The following ACCS variants were observed in gnomAD, a reference collection of about 807,000 sequenced individuals.
ACCS encodes 1-aminocyclopropane-1-carboxylate synthase homolog (inactive).
Under a neutral mutation model 59.8 loss-of-function variants are expected in ACCS, and 42 were observed. The ratio of observed to expected loss-of-function variants is 0.70; its 90% CI spans 0.55 to 0.91. The LOEUF is 0.91. ACCS is among the 40% of genes least tolerant of loss of function. ACCS has a pLI of 0.00. For missense variants in ACCS, 602 were observed against 630.4 expected (o/e 0.95, Z 0.48); for synonymous variants, 230 against 240.3 (o/e 0.96, Z 0.40).
At chr11:44,076,731 A>T (rs1242665294) in intron 6 of ACCS, among the ~76,000 whole-genome samples, 6 of 152,244 alleles carry the variant, frequency 3.9e-5, no homozygotes, top group African/African-American at 2.4e-5. Flanking sequence ...ATAATTAGAA[A>T]GGGGGCTGTA....
At chr11:44,078,849 G>C in intron 9 of ACCS, 65 bp downstream of exon 9, 1 of 1,444,086 alleles carries the variant, frequency 6.9e-7, no homozygotes, top group Non-Finnish European at 9.6e-7. Context: ...TGCGGGTTTG[G>C]TGCAGGTTTT....
At chr11:44,074,759 TC>T in intron 5 of ACCS, 78 bp downstream of exon 5, 1 of 522,360 alleles carries the variant, frequency 1.9e-6, no homozygotes, top group Non-Finnish European at 2.9e-6. Context: ...TTTCTTTCTT[TC>T]TTTCTTTCTT....
Position 44,083,769 on chromosome 11 carries a change from G to A in ACCS, c.1483G>A (p.Glu495Lys). 1 of 1,613,336 alleles carries A rather than the reference G, an allele frequency of 6.2e-7. No individual in the cohort carries two copies. The highest frequency in any genetic ancestry group is 1.1e-5 in the South Asian group (1 of 90,832). Residue 495 changes from glutamate (E) to lysine (K), a missense_variant, in exon 15 of 15, where the codon GAG (glutamate) becomes AAG (lysine). Coordinates refer to ENST00000263776, the MANE Select transcript of ACCS (RefSeq NM_032592.4). ...AEDPRPSQSQ[E>K]PSDQRR ...AGACCCCCGTCCCTCTCAGAGCCAG[G>A]AGCCAAGTGACCAACGCAGGTGAGC...
chr11:44,073,657 A>G (rs984016935), intron 4 of ACCS, 140 bp downstream of exon 4: 8 of 802,748 alleles, frequency 1.0e-5, no homozygotes, highest in Non-Finnish European at 1.2e-5. Flanking sequence ...CTAAAGTTCT[A>G]CAATGTACAG....
chr11:44,075,453 T>C, intron 5 of ACCS, 73 bp from the exon 6 acceptor site: 1 of 1,531,324 alleles, frequency 6.5e-7, no homozygotes, highest in South Asian at 1.1e-5. Flanking sequence ...CTCTGTGCTG[T>C]CCTGGGAGGC....
Position 44,078,715 on chromosome 11 carries a change from G to A in ACCS, c.764G>A (p.Ser255Asn). Residue 255 changes from serine (S) to asparagine (N), a missense_variant, in exon 9 of 15, where the codon AGC (serine) becomes AAC (asparagine). Physicochemically the swap from Ser to Asn is conservative, Grantham distance 46. Transcript: ENST00000263776. ...AAGGTCAAAGGCCTCATCCTCATCA[G>A]CCCCCAGAACCCTCTGGGTGATGTA... ...GVKVKGLILI[S>N]PQNPLGDVYS... 6.2e-7 allele frequency: 1 copy of A among 1,614,030 alleles called. No homozygotes were observed. The highest frequency in any genetic ancestry group is 8.5e-7 in the Non-Finnish European group (1 of 1,179,998).
At position 44,084,089 on chromosome 11, in the gene ACCS, C is replaced by A. The variant is rs996017807; in HGVS notation, c.*297C>A. 5 of 336,240 alleles carry A rather than the reference C, an allele frequency of 1.5e-5. No individual in the cohort carries two copies. The highest frequency in any genetic ancestry group is 5.9e-5 in the East Asian group (1 of 16,994). 20.8% of individuals were successfully genotyped at this position (336,240 alleles called of 1,614,324 possible). ...TGCTTCTAACCAGAGCCTCAGCCCC[C>A]CTGAGGATGTGAAAAGAAAACAAAC... On this transcript the variant is annotated 3_prime_UTR_variant, in exon 15 of 15. Transcript: ENST00000263776.
intron 1 of ACCS, 100 bp from the exon 2 acceptor site, chr11:44,067,528 G>A (rs1952844779): frequency 8.1e-7 from 1 of 1,240,322 alleles, no homozygotes; most frequent in South Asian, 1.5e-5. Context: ...AAAGGAAGGG[G>A]CAGATAAGAG....
chr11:44,078,574 T>C lies in ACCS; in HGVS notation c.733-110T>C, dbSNP rs546966440. ...TTTGCTTCATGTTGTGTTATGAACA[T>C]GTCCCCCTCAAATCTCCCTGGGAGC... is the stretch of plus-strand genomic sequence containing the variant. On this transcript the variant is annotated intron_variant, in intron 8 of 14. Transcript: ENST00000263776. The C allele has an allele frequency of 1.7e-4, 136 of 777,282 alleles. No individual in the cohort carries two copies. In the African/African-American group the frequency reaches 2.2e-3, roughly 13 times the overall value. 48.1% of individuals were successfully genotyped at this position (777,282 alleles called of 1,614,324 possible). A position where few individuals can be genotyped will look rare whatever the true frequency, so the allele number is the denominator to read the frequency against.
chr11:44,075,704 T>C lies in ACCS; in HGVS notation c.556+112T>C, dbSNP rs564034876. ...GTATGCTTTCGGGCACAATAGAATA[T>C]ACTAGACTGCAGGGGGCTTGAATAA... On this transcript the variant is annotated intron_variant, in intron 6 of 14. Transcript: ENST00000263776. The C allele has an allele frequency of 2.4e-6, 3 of 1,267,966 alleles. No homozygotes were observed. The South Asian group carries it at 4.2e-5, about 18-fold the overall frequency. The allele number at this position is 1,267,966 out of a possible 1,614,324, so 78.5% of individuals were successfully genotyped here. A position where few individuals can be genotyped will look rare whatever the true frequency, so the allele number is the denominator to read the frequency against.
intron 9 of ACCS, chr11:44,079,143 T>TACAACAATCCTC: frequency 2.8e-6 from 1 of 362,074 alleles, no homozygotes; most frequent in African/African-American, 2.1e-5. Flanking sequence ...CAACAATCCT[T>TACAACAATCCTC]ACAACAATCC....
At position 44,075,229 on chromosome 11, in the gene ACCS, C is replaced by T. The variant is rs1418669423; in HGVS notation, c.490-297C>T. Among the ~76,000 whole-genome samples the T allele has an allele frequency of 2.0e-5, 3 of 152,184 alleles. No individual in the cohort carries two copies. In the East Asian group the frequency reaches 5.8e-4, roughly 29 times the overall value. ...GTAGAATTAGGAATACCTTCTCCCTCCTCGATGTTTAAAGTTTGGGTATAA... is the reference window on the plus strand; with the variant it reads ...GTAGAATTAGGAATACCTTCTCCCTTCTCGATGTTTAAAGTTTGGGTATAA... On this transcript the variant is annotated intron_variant, in intron 5 of 14. Transcript: ENST00000263776.
Position 44,073,158 on chromosome 11 carries a change from A to AT in ACCS, c.349-282dup, listed in dbSNP as rs577227468. ...ATACTTTTGCAAACCCACCCCTCCG[A>AT]TTTTTTTAGGTGGCAGTGTTGTATA... On this transcript the variant is annotated intron_variant, in intron 3 of 14. Coordinates refer to ENST00000263776, the MANE Select transcript of ACCS (RefSeq NM_032592.4). 2.4e-3 allele frequency among the ~76,000 whole-genome samples: 372 copies of AT among 152,158 alleles called. 3 individuals are homozygous for AT. Among genetic ancestry groups the AT allele is most frequent in the African/African-American group, 8.6e-3 (355 of 41,508 alleles).
chr11:44,074,747 T>A, intron 5 of ACCS, 66 bp downstream of exon 5: 1 of 386,424 alleles, frequency 2.6e-6, no homozygotes, highest in Non-Finnish European at 4.0e-6. Flanking sequence ...TTTCTTTCTT[T>A]CTTTCTTTCT....
rs369928247 is a variant in ACCS at position 44,067,862 on chromosome 11, G to T, written c.235G>T (p.Glu79Ter). Residue 79 changes from glutamate (E) to a stop codon, truncating the protein, a stop_gained, in exon 2 of 15, where the codon GAG (glutamate) becomes TAG (stop). Coordinates refer to ENST00000263776, the MANE Select transcript of ACCS (RefSeq NM_032592.4). LOFTEE classifies it high-confidence loss of function. ...TAAATGGTTCTGGGATTCAGCTGAG[G>T]AGGGCTACAGGACCTACCACATGGA... is the stretch of plus-strand genomic sequence containing the variant. ...MIKWFWDSAE[E>*]GYRTYHMDEY... 3.5e-5 allele frequency: 56 copies of T among 1,613,868 alleles called. 1 individual carries two copies. The highest frequency in any genetic ancestry group is 1.6e-4 in the Middle Eastern group (1 of 6,062).
rs767319226 is a variant in ACCS at position 44,083,646 on chromosome 11, C to T, written c.1409-49C>T. ...ACTGTGGCCTCCGCTTGTTTGTCCC[C>T]ACCCACGTGGCCATCAGTGCCAACT... On this transcript the variant is annotated intron_variant, in intron 14 of 14. Coordinates refer to ENST00000263776, the MANE Select transcript of ACCS (RefSeq NM_032592.4). 6 of 1,614,170 alleles carry T rather than the reference C, an allele frequency of 3.7e-6. No homozygotes were observed. In the East Asian group the frequency reaches 1.1e-4, roughly 30 times the overall value.
At chr11:44,079,445 G>A in intron 9 of ACCS, 86 bp from the exon 10 acceptor site, 7 of 1,142,710 alleles carry the variant, frequency 6.1e-6, no homozygotes, top group South Asian at 4.1e-5. Flanking sequence ...GGCCCCTCTG[G>A]ATTTCTGATG....
intron 3 of ACCS, 70 bp downstream of exon 3, chr11:44,071,385 A>G: frequency 6.4e-7 from 1 of 1,559,848 alleles, no homozygotes; most frequent in East Asian, 2.3e-5. Context: ...ATGCTTTCCC[A>G]ACAGGAGCCT....
intron 8 of ACCS, chr11:44,078,413 G>C: frequency 2.4e-6 from 1 of 419,736 alleles, no homozygotes; most frequent in East Asian, 3.9e-5. Context: ...CTCACTGTAG[G>C]AATTTTGAAA....
Sources: gnomAD v4.1 joint callset for allele counts (sites outside exome capture counted in the v4.1 genomes callset) on GRCh38, gnomAD v4.1.1 for gene constraint, MANE v1.5 for transcripts, NCBI Gene and HGNC (gene_info 2026-07-23, HGNC 2026-07-21) for gene names.